Variants in PTGES3 observed in about 807,000 individuals in gnomAD.
PTGES3 encodes the protein prostaglandin E synthase 3.
Under a neutral mutation model 29.9 loss-of-function variants are expected in PTGES3, and 5 were observed. That is an observed-to-expected ratio of 0.17 (90% confidence interval 0.09 to 0.35). The LOEUF is 0.35. Among genes scored for constraint, PTGES3 ranks in the 10% least tolerant of loss-of-function variants. The probability of loss-of-function intolerance (pLI) is 1.00; values close to 1 mark genes in which losing one functional copy is unlikely to be tolerated. For synonymous variants in PTGES3, 49 were observed against 57.8 expected, an observed-to-expected ratio of 0.85 and a Z score of 0.69; for missense variants, 128 against 190.0, an observed-to-expected ratio of 0.67 and a Z score of 1.92.
chr12:56,687,294 A>G, intron 1 of PTGES3: 1 of 992,306 alleles, frequency 1.0e-6, no homozygotes, highest in Non-Finnish European at 1.2e-6. Context: ...ATCTTTCCAA[A>G]GTCGACACGT....
intron 1 of PTGES3, among the ~76,000 whole-genome samples, chr12:56,676,348 AG>A (rs1395626460): frequency 6.6e-6 from 1 of 152,066 alleles, no homozygotes; most frequent in African/African-American, 2.4e-5. Flanking sequence ...TTTATTGCAA[AG>A]TAACTAACCA....
chr12:56,685,474 C>A (rs940740424), intron 1 of PTGES3, among the ~76,000 whole-genome samples: 20 of 150,656 alleles, frequency 1.3e-4, no homozygotes, highest in Non-Finnish European at 2.8e-4. Context: ...AATCGCCGCT[C>A]ACTGCAAGCT....
chr12:56,683,908 C>T (rs1952695276), intron 1 of PTGES3, among the ~76,000 whole-genome samples: 2 of 145,882 alleles, frequency 1.4e-5, no homozygotes, highest in African/African-American at 2.5e-5. Context: ...TGCAGTGAGC[C>T]GAGATCGCGC....
At chr12:56,679,054 G>A (rs909168538) in intron 1 of PTGES3, among the ~76,000 whole-genome samples, 1 of 152,226 alleles carries the variant, frequency 6.6e-6, no homozygotes, top group South Asian at 2.1e-4. Context: ...GGAGTTTGAG[G>A]TTATAGTGAG....
rs190822393 is a variant in PTGES3, at chr12:56,664,951, A to C, written c.439-151T>G. 1.3e-5 allele frequency: 19 copies of C among 1,407,656 alleles called. No individual in the cohort carries two copies. In the African/African-American group the frequency reaches 2.2e-4, roughly 16 times the overall value. 87.2% of individuals were successfully genotyped at this position (1,407,656 alleles called of 1,614,324 possible). On this transcript the variant is annotated intron_variant, in intron 6 of 7. Coordinates refer to ENST00000262033, the MANE Select transcript of PTGES3 (RefSeq NM_006601.7). Reference sequence around the variant, plus strand: ...CCTAGAAATTTAGTCATTGGACTTGACTAGGTTTACCTAAGGTGAATGGAT... The same window carrying C: ...CCTAGAAATTTAGTCATTGGACTTGCCTAGGTTTACCTAAGGTGAATGGAT...
At chr12:56,682,907 T>C (rs927694576) in intron 1 of PTGES3, among the ~76,000 whole-genome samples, 6 of 151,298 alleles carry the variant, frequency 4.0e-5, no homozygotes, top group Non-Finnish European at 7.4e-5. Context: ...GAGAGGAGAA[T>C]CGCTTGAACC....
At chr12:56,678,969 C>T (rs551025961) in intron 1 of PTGES3, among the ~76,000 whole-genome samples, 1 of 151,892 alleles carries the variant, frequency 6.6e-6, no homozygotes, top group African/African-American at 2.4e-5. Context: ...AGAAAAAAAT[C>T]GCTGGCCATG....
chr12:56,671,541 CT>C (rs1483315257), intron 4 of PTGES3, among the ~76,000 whole-genome samples: 1 of 152,148 alleles, frequency 6.6e-6, no homozygotes, highest in Non-Finnish European at 1.5e-5. Flanking sequence ...AAGTCTGTCT[CT>C]TAAGTACAAA....
chr12:56,677,500 T>TA (rs1190996409), intron 1 of PTGES3, among the ~76,000 whole-genome samples: 2 of 152,130 alleles, frequency 1.3e-5, no homozygotes, highest in African/African-American at 2.4e-5. Context: ...AGCAGCCTAG[T>TA]AGCTATTGGA....
At position 56,675,004 on chromosome 12, in the gene PTGES3, CAAAAAAAAAAAA is replaced by C. The variant is rs1177350725; in HGVS notation, c.3-1951_3-1940del. Among the ~76,000 whole-genome samples the C allele has an allele frequency of 9.3e-5, 3 of 32,358 alleles. 1 individual carries two copies. In the South Asian group the frequency reaches 6.8e-3, roughly 74 times the overall value. The allele number at this position is 32,358 out of a possible 152,430, so 21.2% of individuals were successfully genotyped here. On this transcript the variant is annotated intron_variant, in intron 1 of 7. Coordinates refer to ENST00000262033, the MANE Select transcript of PTGES3 (RefSeq NM_006601.7). ...GGGCAACAAGAGTGAAACTCGGTCT[CAAAAAAAAAAAA>C]AAAAAAAAAAAGTGCTGGTTCACAC...
rs77205032 is a variant in PTGES3 at position 56,676,947 on chromosome 12, T to C, written c.3-3882A>G. Reference sequence around the variant, plus strand: ...AAAAAAAAAAAAAAAAAAAAAAAAATAGTGCTGGCTAAGTGCGGTGGCTTA... The same window carrying C: ...AAAAAAAAAAAAAAAAAAAAAAAAACAGTGCTGGCTAAGTGCGGTGGCTTA... On this transcript the variant is annotated intron_variant, in intron 1 of 7. Transcript: ENST00000262033. Among the ~76,000 whole-genome samples, 5 of 51,964 alleles carry C rather than the reference T, an allele frequency of 9.6e-5. No homozygotes were observed. The East Asian group carries it at 3.4e-3, about 35-fold the overall frequency. 34.1% of individuals were successfully genotyped at this position (51,964 alleles called of 152,430 possible). A position where few individuals can be genotyped will look rare whatever the true frequency, so the allele number is the denominator to read the frequency against.
chr12:56,685,336 C>G (rs1474771954), intron 1 of PTGES3, among the ~76,000 whole-genome samples: 1 of 151,730 alleles, frequency 6.6e-6, no homozygotes, highest in Non-Finnish European at 1.5e-5. Flanking sequence ...ACTTGTTTCC[C>G]CCAGCCCAAC....
intron 1 of PTGES3, among the ~76,000 whole-genome samples, chr12:56,675,446 A>G (rs1952192323): frequency 6.6e-6 from 1 of 151,990 alleles, no homozygotes; most frequent in African/African-American, 2.4e-5. Flanking sequence ...ATATTTTTAA[A>G]AAAACACAGG....
intron 1 of PTGES3, among the ~76,000 whole-genome samples, chr12:56,673,531 C>T (rs1424991208): frequency 6.9e-5 from 10 of 145,940 alleles, no homozygotes; most frequent in Non-Finnish European, 1.3e-4. Flanking sequence ...CGGTGGCTCA[C>T]GCCTGTAATC....
chr12:56,668,937 T>C (rs368529288), intron 5 of PTGES3, among the ~76,000 whole-genome samples: 4 of 151,962 alleles, frequency 2.6e-5, no homozygotes, highest in East Asian at 3.9e-4. Flanking sequence ...GTTATTTGGG[T>C]GACATCTTAG....
chr12:56,683,803 C>A (rs1214295657), intron 1 of PTGES3, among the ~76,000 whole-genome samples: 1 of 150,818 alleles, frequency 6.6e-6, no homozygotes, highest in Non-Finnish European at 1.5e-5. Context: ...ACTAAAAATA[C>A]AAAAAATTAG....
chr12:56,671,695 T>C lies in PTGES3; in HGVS notation c.285+54A>G, dbSNP rs1433346959. On this transcript the variant is annotated intron_variant, in intron 4 of 7. Coordinates refer to ENST00000262033, the MANE Select transcript of PTGES3 (RefSeq NM_006601.7). ...TCCTTACATCAAATAAGTACATCTT[T>C]TATTACCTAAAATAAAAATATCAAA... 4.2e-6 allele frequency: 5 copies of C among 1,181,398 alleles called. No homozygotes were observed. In the East Asian group the frequency reaches 1.2e-4, roughly 29 times the overall value. 73.2% of individuals were successfully genotyped at this position (1,181,398 alleles called of 1,614,324 possible).
chr12:56,664,794 G>C lies in PTGES3; in HGVS notation c.445C>G (p.Gln149Glu). The change falls in exon 7 of 8, where the codon CAA becomes GAA. Residue 149 changes from glutamine (Q) to glutamate (E), a missense_variant. Coordinates refer to ENST00000262033, the MANE Select transcript of PTGES3 (RefSeq NM_006601.7). ...PEVDGADDDS[Q>E]DSDDEKMPDL... ...CACTTACTTTCATCATCACTGTCTT[G>C]TGAATCCTGAAAGAGGGAAAATAAA... 2 of 1,596,920 alleles carry C rather than the reference G, an allele frequency of 1.3e-6. No individual in the cohort carries two copies. The highest frequency in any genetic ancestry group is 8.6e-7 in the Non-Finnish European group (1 of 1,167,902).
At chr12:56,687,329 C>CT (rs771239594) in intron 1 of PTGES3, 35 of 988,952 alleles carry the variant, frequency 3.5e-5, no homozygotes, top group Non-Finnish European at 4.2e-5. Flanking sequence ...TCAATGGTAA[C>CT]TCCTCCTCGC....
Sources: allele counts gnomAD v4.1 joint callset (sites outside exome capture counted in the v4.1 genomes callset), GRCh38; gene constraint gnomAD v4.1.1; transcripts MANE v1.5; gene names NCBI Gene and HGNC (gene_info 2026-07-23, HGNC 2026-07-21).